Variants in RPS6KC1 observed in about 807,000 individuals in gnomAD.
The protein encoded by RPS6KC1 is ribosomal protein S6 kinase C1, also known as inactive ribosomal protein S6 kinase delta-1.
A neutral mutation model predicts 103.8 loss-of-function variants in RPS6KC1; 54 were observed. The ratio of observed to expected loss-of-function variants is 0.52; its 90% CI spans 0.42 to 0.65. The LOEUF (loss-of-function observed/expected upper bound fraction) is 0.65. RPS6KC1 is among the 30% of genes least tolerant of loss of function. The pLI is 0.00. For synonymous variants in RPS6KC1, 439 were observed against 438.7 expected, an observed-to-expected ratio of 1.00 and a Z score of -0.01; for missense variants, 1,151 against 1,253.8, an observed-to-expected ratio of 0.92 and a Z score of 1.24.
At chr1:213,847,252 G>T in the RPS6KC1 span, among the ~76,000 whole-genome samples, 14 of 152,086 alleles carry the variant, frequency 9.2e-5, no homozygotes. Flanking sequence ...TACTTAGCAG[G>T]ACTACATTTT....
chr1:213,156,189 T>C (rs1000002120), intron 6 of RPS6KC1, among the ~76,000 whole-genome samples: 1 of 152,164 alleles, frequency 6.6e-6, no homozygotes, highest in Non-Finnish European at 1.5e-5. Flanking sequence ...ACTGAACTTC[T>C]ATAGGTAGCA....
intron 6 of RPS6KC1, among the ~76,000 whole-genome samples, chr1:213,148,467 G>A (rs957566163): frequency 5.3e-5 from 8 of 152,156 alleles, no homozygotes; most frequent in African/African-American, 1.9e-4. Context: ...CTGTTGATAT[G>A]AGGTTTCACA....
At chr1:213,472,149 A>G in the RPS6KC1 span, among the ~76,000 whole-genome samples, 1 of 152,164 alleles carries the variant, frequency 6.6e-6, no homozygotes, top group South Asian at 2.1e-4. Context: ...TTGTTACCCG[A>G]TATTTCTTAG....
At chr1:213,320,610 A>G in the RPS6KC1 span, among the ~76,000 whole-genome samples, 1 of 152,234 alleles carries the variant, frequency 6.6e-6, no homozygotes, top group Non-Finnish European at 1.5e-5. Context: ...TGAGATTACA[A>G]TTGCAAACAA....
chr1:213,443,267 A>C, the RPS6KC1 span, among the ~76,000 whole-genome samples: 24 of 152,154 alleles, frequency 1.6e-4, no homozygotes, highest in Non-Finnish European at 2.5e-4. Flanking sequence ...AACATGATTC[A>C]CTTTTACCTG....
the RPS6KC1 span, among the ~76,000 whole-genome samples, chr1:213,836,461 G>A: frequency 6.6e-6 from 1 of 152,028 alleles, no homozygotes; most frequent in Non-Finnish European, 1.5e-5. Context: ...GAAGGGAAGA[G>A]CTCATAGACT....
the RPS6KC1 span, among the ~76,000 whole-genome samples, chr1:213,438,874 A>AGC: frequency 6.6e-6 from 1 of 150,638 alleles, no homozygotes; most frequent in Non-Finnish European, 1.5e-5. Context: ...GCTCACTGCA[A>AGC]GCTCCGCCTC....
chr1:213,469,526 G>A, the RPS6KC1 span, among the ~76,000 whole-genome samples: 1 of 152,140 alleles, frequency 6.6e-6, no homozygotes, highest in Non-Finnish European at 1.5e-5. Flanking sequence ...AAGGGAGGGA[G>A]CCCTGATTTG....
In RPS6KC1 at chr1:213,183,793, A is replaced by G. The variant is rs2092400931; in HGVS notation, c.1044+7301A>G. Reference sequence around the variant, plus strand: ...GGAGGAATGTAAAGAGCAGGAAGCAATGAAATTGAAAATAAAAAACCGTAG... The same window carrying G: ...GGAGGAATGTAAAGAGCAGGAAGCAGTGAAATTGAAAATAAAAAACCGTAG... On this transcript the variant is annotated intron_variant, in intron 8 of 14. Transcript: ENST00000366960. 2.6e-5 allele frequency among the ~76,000 whole-genome samples: 4 copies of G among 152,132 alleles called. No homozygotes were observed. The South Asian group carries it at 6.2e-4, about 24-fold the overall frequency.
At chr1:213,425,753 C>T in the RPS6KC1 span, among the ~76,000 whole-genome samples, 1 of 152,284 alleles carries the variant, frequency 6.6e-6, no homozygotes, top group Admixed American at 6.5e-5. Flanking sequence ...CAACCTTCCC[C>T]CGCCTGAATG....
At chr1:213,704,380 C>T in the RPS6KC1 span, among the ~76,000 whole-genome samples, 3 of 112,694 alleles carry the variant, frequency 2.7e-5, no homozygotes, top group East Asian at 2.5e-4. Flanking sequence ...AGCGAGACTC[C>T]GTCTCAAAAA....
At chr1:213,439,123 C>G in the RPS6KC1 span, among the ~76,000 whole-genome samples, 1 of 152,108 alleles carries the variant, frequency 6.6e-6, no homozygotes, top group Admixed American at 6.5e-5. Flanking sequence ...TTATAACTGC[C>G]CTGATACACC....
the RPS6KC1 span, among the ~76,000 whole-genome samples, chr1:213,335,398 C>T: frequency 5.3e-5 from 8 of 152,118 alleles, no homozygotes; most frequent in South Asian, 2.1e-4. Context: ...GTAGCTGGTC[C>T]GCTATCATCA....
chr1:213,823,850 A>G, the RPS6KC1 span, among the ~76,000 whole-genome samples: 1 of 152,158 alleles, frequency 6.6e-6, no homozygotes. Context: ...TACATATATT[A>G]TCTCATTAGG....
intron 12 of RPS6KC1, among the ~76,000 whole-genome samples, chr1:213,244,964 G>C (rs2094430936): frequency 6.6e-6 from 1 of 152,158 alleles, no homozygotes; most frequent in South Asian, 2.1e-4. Context: ...ATGTGGAAAG[G>C]CTTTCCATTC....
the RPS6KC1 span, among the ~76,000 whole-genome samples, chr1:213,568,905 C>T: frequency 6.8e-3 from 1,036 of 152,300 alleles, 10 homozygotes; most frequent in African/African-American, 0.02. Flanking sequence ...CAAATTGTCA[C>T]GGGCCTTGCC....
intron 4 of RPS6KC1, among the ~76,000 whole-genome samples, chr1:213,107,381 A>G (rs2082603107): frequency 6.6e-6 from 1 of 152,220 alleles, no homozygotes; most frequent in Non-Finnish European, 1.5e-5. Flanking sequence ...AAATACATGG[A>G]ATTACACAAT....
chr1:213,332,521 G>A, the RPS6KC1 span, among the ~76,000 whole-genome samples: 1 of 152,226 alleles, frequency 6.6e-6, no homozygotes, highest in Admixed American at 6.5e-5. Flanking sequence ...AGGACGGCCA[G>A]CAGTGCCCAG....
chr1:213,759,855 A>G, the RPS6KC1 span, among the ~76,000 whole-genome samples: 2 of 152,186 alleles, frequency 1.3e-5, no homozygotes, highest in African/African-American at 4.8e-5. Context: ...GTCCTCTAGC[A>G]AGCCCCCTCC....
Sources: gnomAD v4.1 joint callset for allele counts (sites outside exome capture counted in the v4.1 genomes callset) on GRCh38, gnomAD v4.1.1 for gene constraint, MANE v1.5 for transcripts, NCBI Gene and HGNC (gene_info 2026-07-23, HGNC 2026-07-21) for gene names.